The following ST6GALNAC2 variants were observed in gnomAD, a reference collection of about 807,000 sequenced individuals.
ST6GALNAC2 encodes the protein ST6 N-acetylgalactosaminide alpha-2,6-sialyltransferase 2.
ST6GALNAC2 carries 42 observed loss-of-function variants against 38.7 expected under a neutral mutation model. That is an observed-to-expected ratio of 1.09 (90% CI 0.85 to 1.40). The LOEUF is 1.40. Ranked by LOEUF, ST6GALNAC2 falls within the 40% of genes most tolerant of loss-of-function variation. The probability of loss-of-function intolerance (pLI) is 0.00; values close to 1 mark genes in which losing one functional copy is unlikely to be tolerated. For missense variants in ST6GALNAC2, 506 were observed against 481.7 expected (o/e 1.05, Z -0.47); for synonymous variants, 233 against 209.0 (o/e 1.11, Z -0.99).
intron 1 of ST6GALNAC2, among the ~76,000 whole-genome samples, chr17:76,581,853 T>C (rs796548996): frequency 2.7e-4 from 41 of 152,218 alleles, no homozygotes; most frequent in African/African-American, 9.6e-4. Context: ...TTAGATCATA[T>C]TCTCTTTTTT....
chr17:76,567,838 T>C (rs923144998), intron 7 of ST6GALNAC2: 12 of 355,074 alleles, frequency 3.4e-5, no homozygotes, highest in African/African-American at 2.1e-4. Flanking sequence ...GTGGCCTGTT[T>C]ATTTAGCCTG....
intron 1 of ST6GALNAC2, among the ~76,000 whole-genome samples, chr17:76,584,828 A>C (rs189541766): frequency 3.3e-5 from 5 of 152,364 alleles, no homozygotes; most frequent in Non-Finnish European, 5.9e-5. Context: ...CAGGAAGGGA[A>C]AGGCTGGGGC....
Position 76,567,238 on chromosome 17 carries a change from G to A in ST6GALNAC2, c.957+215C>T, listed in dbSNP as rs1220882861. ...CAAGGCAAGCCTGAGGCAGGTGTCC[G>A]GAGCCAAGGCAAGGCTGGCCCAGGA... is the stretch of plus-strand genomic sequence containing the variant. On this transcript the variant is annotated intron_variant, in intron 8 of 8. Transcript: ENST00000225276. 2.6e-5 allele frequency among the ~76,000 whole-genome samples: 4 copies of A among 152,250 alleles called. No individual in the cohort carries two copies. The East Asian group carries it at 5.8e-4, about 22-fold the overall frequency.
rs562483913 is a variant in ST6GALNAC2 at position 76,582,546 on chromosome 17, C to T, written c.125+3138G>A. Reference sequence around the variant, plus strand: ...TTGACAATGGATAGTAACTGGCAGCCCTATGTTGATTCTCACTCTCCTATT... The same window carrying T: ...TTGACAATGGATAGTAACTGGCAGCTCTATGTTGATTCTCACTCTCCTATT... On this transcript the variant is annotated intron_variant, in intron 1 of 8. Transcript: ENST00000225276. Among the ~76,000 whole-genome samples the T allele has an allele frequency of 1.5e-4, 23 of 152,216 alleles. No individual in the cohort carries two copies. In the South Asian group the frequency reaches 2.1e-3, roughly 14 times the overall value.
intron 1 of ST6GALNAC2, among the ~76,000 whole-genome samples, chr17:76,583,388 A>G (rs2075503308): frequency 1.3e-5 from 2 of 151,378 alleles, no homozygotes; most frequent in African/African-American, 2.4e-5. Context: ...AAAAAAAAAG[A>G]AGATAATGTA....
Position 76,565,882 on chromosome 17 carries a change from A to C in ST6GALNAC2, c.*222T>G. ...CAAAGCAGTCCATTTTCCCTTGGCC[A>C]AGATTGAGATGTATTGTTTTAGATA... is the stretch of plus-strand genomic sequence containing the variant. On this transcript the variant is annotated 3_prime_UTR_variant, in exon 9 of 9. Transcript: ENST00000225276. 2.1e-6 allele frequency: 1 copy of C among 486,118 alleles called. No individual in the cohort carries two copies. Among genetic ancestry groups the C allele is most frequent in the Non-Finnish European group, 3.6e-6 (1 of 277,986 alleles). The allele number at this position is 486,118 out of a possible 1,614,324, so 30.1% of individuals were successfully genotyped here.
intron 5 of ST6GALNAC2, 107 bp downstream of exon 5, chr17:76,572,530 A>T: frequency 7.4e-7 from 1 of 1,342,574 alleles, no homozygotes; most frequent in East Asian, 2.3e-5. Context: ...GCACCCCCTC[A>T]GCATCCACTG....
At chr17:76,583,503 A>G (rs748677101) in intron 1 of ST6GALNAC2, among the ~76,000 whole-genome samples, 52 of 151,942 alleles carry the variant, frequency 3.4e-4, no homozygotes, top group Admixed American at 3.0e-3. Flanking sequence ...ACAGAGTGAG[A>G]CTGTCCCCAA....
intron 2 of ST6GALNAC2, among the ~76,000 whole-genome samples, chr17:76,576,364 AAGAC>A (rs2075416049): frequency 6.6e-6 from 1 of 152,254 alleles, no homozygotes; most frequent in South Asian, 2.1e-4. Context: ...AAATCGAAGA[AAGAC>A]AGAAGCACAG....
chr17:76,574,626 T>G lies in ST6GALNAC2; in HGVS notation c.187-87A>C, dbSNP rs778146753. On this transcript the variant is annotated intron_variant, in intron 2 of 8. Transcript: ENST00000225276. ...GCAGACCCTGCAGGGGAGTTGCGAG[T>G]TGTGAGGGAAGGCCTGCCCTGTCCC... 1.4e-4 allele frequency: 174 copies of G among 1,204,746 alleles called. 1 individual carries two copies. Among genetic ancestry groups the G allele is most frequent in the Non-Finnish European group, 1.9e-4 (166 of 881,102 alleles). 74.6% of individuals were successfully genotyped at this position (1,204,746 alleles called of 1,614,324 possible). A position where few individuals can be genotyped will look rare whatever the true frequency, so the allele number is the denominator to read the frequency against.
At chr17:76,567,896 G>A (rs1046625164) in intron 7 of ST6GALNAC2, 5 of 287,740 alleles carry the variant, frequency 1.7e-5, no homozygotes, top group Non-Finnish European at 2.7e-5. Context: ...TAGGAATCAC[G>A]TGTGAGGGAC....
At chr17:76,567,363 G>C (rs888960321) in intron 8 of ST6GALNAC2, 90 bp downstream of exon 8, 1 of 929,400 alleles carries the variant, frequency 1.1e-6, no homozygotes, top group African/African-American at 1.6e-5. Context: ...AAGAGTCCCA[G>C]CTCCGAGGTA....
At chr17:76,578,600 G>A (rs2143312882) in intron 2 of ST6GALNAC2, among the ~76,000 whole-genome samples, 156 bp downstream of exon 2, 1 of 152,242 alleles carries the variant, frequency 6.6e-6, no homozygotes, top group East Asian at 1.9e-4. Context: ...TCAGGTCTGA[G>A]AGGCCCTGAA....
chr17:76,568,591 ACAGTGGAGCTCTGGTTATCGGT>A, intron 7 of ST6GALNAC2, 100 bp downstream of exon 7: 2 of 895,180 alleles, frequency 2.2e-6, no homozygotes. Flanking sequence ...AGCACTCGGG[ACAGTGGAGCTCTGGTTATCGGT>A]CAGTGCGTGG....
Position 76,567,496 on chromosome 17 carries a change from G to T in ST6GALNAC2, c.914C>A (p.Thr305Asn), listed in dbSNP as rs2075299236. 1 of 1,613,902 alleles carries T rather than the reference G, an allele frequency of 6.2e-7. No homozygotes were observed. Among genetic ancestry groups the T allele is most frequent in the South Asian group, 1.1e-5 (1 of 91,080 alleles). ...THFGDLYMPS[T>N]GALMLLTALH... ...AGCTGTCAGCAGCATGAGAGCCCCGGTACTAGGCATATATAGGTCTCCAAA... is the reference window on the plus strand; with the variant it reads ...AGCTGTCAGCAGCATGAGAGCCCCGTTACTAGGCATATATAGGTCTCCAAA... Residue 305 changes from threonine (T) to asparagine (N), a missense_variant, in exon 8 of 9, where the codon ACC becomes AAC. Coordinates refer to ENST00000225276, the MANE Select transcript of ST6GALNAC2 (RefSeq NM_006456.3).
Position 76,574,419 on chromosome 17 carries a change from C to A in ST6GALNAC2, c.307G>T (p.Asp103Tyr). The change falls in exon 3 of 9, where the codon GAC becomes TAC. Residue 103 changes from aspartate to tyrosine, a missense_variant. By Grantham distance (160) the Asp-to-Tyr change is radical. Coordinates refer to ENST00000225276, the MANE Select transcript of ST6GALNAC2 (RefSeq NM_006456.3). ...GGGGCTTTGTGTTGGCTCAGGCGGT[C>A]CCAGAGCGCTGGGGTGAAGAGGTCC... Reference protein sequence around the residue: ...WGDLFTPALWDRLSQHKAPYG... With the variant: ...WGDLFTPALWYRLSQHKAPYG... 1 of 1,613,814 alleles carries A rather than the reference C, an allele frequency of 6.2e-7. No individual in the cohort carries two copies. Among genetic ancestry groups the A allele is most frequent in the Non-Finnish European group, 8.5e-7 (1 of 1,179,934 alleles).
rs373969528 is a variant in ST6GALNAC2 at position 76,570,570 on chromosome 17, C to T, written c.768G>A (p.Gly256=). The T allele has an allele frequency of 1.2e-6, 2 of 1,609,862 alleles. No individual in the cohort carries two copies. Among genetic ancestry groups the T allele is most frequent in the Non-Finnish European group, 1.7e-6 (2 of 1,177,842 alleles). The change falls in exon 6 of 9, where the codon GGG becomes GGA. Residue 256 remains glycine (G), a synonymous_variant. Transcript: ENST00000225276. ...GVPVPEGLDK[G]DRPHAYFGPE... ...ACCACGGCCTGGCTGCTCACCTGTC[C>T]CCTTTATCTAGGCCCTCAGGGACAG...
At position 76,570,654 on chromosome 17, in the gene ST6GALNAC2, G is replaced by C. The variant is rs779806874; in HGVS notation, c.684C>G (p.Ile228Met). 14 of 1,611,634 alleles carry C rather than the reference G, an allele frequency of 8.7e-6. No individual in the cohort carries two copies. In the African/African-American group the frequency reaches 1.6e-4, roughly 18 times the overall value. The change falls in exon 6 of 9, where the codon ATC becomes ATG. Residue 228 changes from isoleucine (I) to methionine (M), a missense_variant. Ile to Met is a conservative substitution (Grantham distance 10). Transcript: ENST00000225276. Reference protein sequence around the residue: ...SVPQGQDLQYIFIPSDIRDYV... With the variant: ...SVPQGQDLQYMFIPSDIRDYV... ...AGTCGCGGATGTCTGAGGGGATGAAGATATACTGCAGGTCCTGTCAGAATA... is the reference window on the plus strand; with the variant it reads ...AGTCGCGGATGTCTGAGGGGATGAACATATACTGCAGGTCCTGTCAGAATA...
At chr17:76,582,720 C>T (rs1042233505) in intron 1 of ST6GALNAC2, among the ~76,000 whole-genome samples, 12 of 152,326 alleles carry the variant, frequency 7.9e-5, no homozygotes, top group African/African-American at 2.9e-4. Context: ...CCCAGATGCC[C>T]ATCTTCCTGG....
Sources: gnomAD v4.1 joint callset for allele counts (sites outside exome capture counted in the v4.1 genomes callset) on GRCh38, gnomAD v4.1.1 for gene constraint, MANE v1.5 for transcripts, NCBI Gene and HGNC (gene_info 2026-07-23, HGNC 2026-07-21) for gene names.